CCL28: variants seen among roughly 807,000 people sequenced by gnomAD.
CCL28 encodes C-C motif chemokine ligand 28.
Under a neutral mutation model 7.1 loss-of-function variants are expected in CCL28, and 4 were observed. The ratio of observed to expected loss-of-function variants is 0.56; its 90% CI spans 0.28 to 1.29. CCL28 has a LOEUF of 1.29. Ranked by LOEUF, CCL28 falls within the 50% of genes most tolerant of loss-of-function variation. CCL28 has a pLI of 0.11. For synonymous variants in CCL28, 55 were observed against 57.8 expected, an observed-to-expected ratio of 0.95 and a Z score of 0.22; for missense variants, 151 against 163.4, an observed-to-expected ratio of 0.92 and a Z score of 0.41.
chr5:43,392,555 T>C (rs920592668), intron 1 of CCL28, among the ~76,000 whole-genome samples: 14 of 152,228 alleles, frequency 9.2e-5, no homozygotes, highest in African/African-American at 3.1e-4. Context: ...TTTAACTATA[T>C]TTCATACCAG....
intron 1 of CCL28, among the ~76,000 whole-genome samples, chr5:43,409,129 T>A (rs1410677494): frequency 1.3e-5 from 2 of 152,110 alleles, no homozygotes; most frequent in African/African-American, 2.4e-5. Flanking sequence ...AAAATTTTTT[T>A]AATTAGCCAG....
the CCL28 span, among the ~76,000 whole-genome samples, chr5:43,369,363 T>C: frequency 2.6e-5 from 4 of 152,212 alleles, no homozygotes; most frequent in African/African-American, 9.6e-5. Context: ...AAGTACATTC[T>C]TGAAATAAAC....
chr5:43,402,726 G>C (rs1288236807), intron 1 of CCL28, among the ~76,000 whole-genome samples: 1 of 152,226 alleles, frequency 6.6e-6, no homozygotes, highest in Non-Finnish European at 1.5e-5. Context: ...GTCTCACCCA[G>C]GAAGTGCAAG....
At chr5:43,364,373 T>C in the CCL28 span, among the ~76,000 whole-genome samples, 1 of 152,092 alleles carries the variant, frequency 6.6e-6, no homozygotes, top group Non-Finnish European at 1.5e-5. Flanking sequence ...GTTTTATATG[T>C]TTATGCCACT....
chr5:43,358,537 C>A, the CCL28 span, among the ~76,000 whole-genome samples: 1 of 152,206 alleles, frequency 6.6e-6, no homozygotes, highest in South Asian at 2.1e-4. Context: ...AGTGGAACTT[C>A]AGCAAAAGTA....
chr5:43,360,214 C>T, the CCL28 span, among the ~76,000 whole-genome samples: 1 of 152,172 alleles, frequency 6.6e-6, no homozygotes, highest in African/African-American at 2.4e-5. Context: ...AAATAATATT[C>T]TCCCTTGGTC....
intron 1 of CCL28, among the ~76,000 whole-genome samples, chr5:43,408,944 G>A (rs1441321650): frequency 2.1e-5 from 3 of 143,970 alleles, no homozygotes; most frequent in Non-Finnish European, 4.5e-5. Flanking sequence ...AGGCTGAAGT[G>A]CAGTGGTGCG....
chr5:43,358,441 A>C, the CCL28 span, among the ~76,000 whole-genome samples: 1 of 152,222 alleles, frequency 6.6e-6, no homozygotes, highest in African/African-American at 2.4e-5. Context: ...ATGTCAGCCA[A>C]AACTGGCCTG....
intron 1 of CCL28, among the ~76,000 whole-genome samples, chr5:43,408,483 C>T (rs1271676698): frequency 6.6e-6 from 1 of 152,078 alleles, no homozygotes; most frequent in African/African-American, 2.4e-5. Flanking sequence ...ACACCAGGGC[C>T]TGTCGTAAGG....
At position 43,381,895 on chromosome 5, in the gene CCL28, TC is replaced by T. The variant is rs983357861; in HGVS notation, c.348del (p.Lys117AsnfsTer37). 2.5e-5 allele frequency: 41 copies of T among 1,614,032 alleles called. No homozygotes were observed. The highest frequency in any genetic ancestry group is 3.5e-5 in the Non-Finnish European group (41 of 1,180,008). ...GTTTTATGGCCGTATGTTTCGTGTT[TC>T]CCCTGATGTGCCCTGTTACTGTTCC... is the stretch of plus-strand genomic sequence containing the variant. ...GKRNSNRAHQ[G>X]KHETYGHKTP... On this transcript the variant is annotated frameshift_variant, in exon 3 of 3. Transcript: ENST00000361115. LOFTEE classifies it low-confidence loss of function (END_TRUNC).
chr5:43,400,448 A>G (rs993509633), intron 1 of CCL28, among the ~76,000 whole-genome samples: 4 of 152,058 alleles, frequency 2.6e-5, no homozygotes, highest in African/African-American at 7.2e-5. Context: ...TGTCTCCCCA[A>G]GTGCTGGATT....
At chr5:43,357,862 AAACT>A in the CCL28 span, among the ~76,000 whole-genome samples, 1 of 152,216 alleles carries the variant, frequency 6.6e-6, no homozygotes, top group African/African-American at 2.4e-5. Context: ...TAATTCCACC[AAACT>A]AACTGTCAAA....
intron 1 of CCL28, among the ~76,000 whole-genome samples, chr5:43,408,885 AT>A (rs1187782787): frequency 7.3e-6 from 1 of 137,374 alleles, no homozygotes; most frequent in East Asian, 2.0e-4. Context: ...TTTTTTGGTA[AT>A]TTTTTACTTT....
chr5:43,361,015 T>C, the CCL28 span, among the ~76,000 whole-genome samples: 1 of 152,150 alleles, frequency 6.6e-6, no homozygotes, highest in Admixed American at 6.6e-5. Context: ...GTGTGTGTTG[T>C]TCCTCCCCAT....
At chr5:43,390,367 G>T (rs558978092) in intron 1 of CCL28, among the ~76,000 whole-genome samples, 1 of 152,324 alleles carries the variant, frequency 6.6e-6, no homozygotes, top group Non-Finnish European at 1.5e-5. Context: ...TGCAGAGTGG[G>T]CTTAATAAAG....
chr5:43,375,188 A>G (rs1181092717), downstream of CCL28, among the ~76,000 whole-genome samples: 1 of 151,334 alleles, frequency 6.6e-6, no homozygotes. Context: ...AAGGTGTTTC[A>G]CCATGTTGTC....
downstream of CCL28, among the ~76,000 whole-genome samples, chr5:43,376,414 A>G (rs1015791665): frequency 2.0e-5 from 3 of 152,182 alleles, no homozygotes; most frequent in Non-Finnish European, 2.9e-5. Context: ...AGCCCCCCAC[A>G]ACAAAGAATT....
At chr5:43,368,256 A>G in the CCL28 span, among the ~76,000 whole-genome samples, 1 of 152,180 alleles carries the variant, frequency 6.6e-6, no homozygotes, top group African/African-American at 2.4e-5. Flanking sequence ...AGTTTGGAGG[A>G]GGTAGTTCTC....
chr5:43,375,519 C>G (rs1739873551), downstream of CCL28, among the ~76,000 whole-genome samples: 1 of 140,046 alleles, frequency 7.1e-6, no homozygotes, highest in African/African-American at 2.6e-5. Context: ...TCATTGCCCA[C>G]TTTTAGGGAT....
Sources: gnomAD v4.1 joint callset for allele counts (sites outside exome capture counted in the v4.1 genomes callset) on GRCh38, gnomAD v4.1.1 for gene constraint, MANE v1.5 for transcripts, NCBI Gene and HGNC (gene_info 2026-07-23, HGNC 2026-07-21) for gene names.